The following BPGM variants were observed in gnomAD, a reference collection of about 807,000 sequenced individuals.
BPGM encodes the protein 2,3-bisphosphoglycerate mutase, erythrocyte.
Under a neutral mutation model 21.6 loss-of-function variants are expected in BPGM, and 15 were observed. That is an observed-to-expected ratio of 0.70 (90% CI 0.47 to 1.07). The LOEUF (loss-of-function observed/expected upper bound fraction) is 1.07. Among genes scored for constraint, BPGM ranks in the 50% least tolerant of loss-of-function variants. The pLI is 0.00. For synonymous variants in BPGM, 113 were observed against 116.2 expected (o/e 0.97, Z 0.18); for missense variants, 273 against 319.0 (o/e 0.86, Z 1.10).
chr7:134,671,928 G>A (rs1045420599), intron 2 of BPGM, among the ~76,000 whole-genome samples: 1 of 152,154 alleles, frequency 6.6e-6, no homozygotes, highest in Non-Finnish European at 1.5e-5. Context: ...TGGGAAAAGT[G>A]AGCATTTGCA....
chr7:134,661,667 C>G lies in BPGM; in HGVS notation c.160C>G (p.Leu54Val), dbSNP rs371168429. The G allele has an allele frequency of 1.9e-6, 3 of 1,614,036 alleles. No individual in the cohort carries two copies. Among genetic ancestry groups the G allele is most frequent in the Non-Finnish European group, 2.5e-6 (3 of 1,180,028 alleles). ...CAAAGCGTTAAACTTTGAGTTTGATCTTGTATTCACATCTGTCCTTAATCG... is the reference window on the plus strand; with the variant it reads ...CAAAGCGTTAAACTTTGAGTTTGATGTTGTATTCACATCTGTCCTTAATCG... ...QLKALNFEFD[L>V]VFTSVLNRSI... is the part of the protein sequence containing the mutation. Residue 54 changes from leucine to valine, a missense_variant, in exon 2 of 3, where the codon CTT becomes GTT. Coordinates refer to ENST00000344924, the MANE Select transcript of BPGM (RefSeq NM_001724.5). This position sits in a 1 kb window ranked among gnomAD's most constrained non-coding sequence, Gnocchi z 4.6.
chr7:134,676,393 T>C (rs529692261), intron 2 of BPGM, among the ~76,000 whole-genome samples: 1 of 152,392 alleles, frequency 6.6e-6, no homozygotes, highest in South Asian at 2.1e-4. Flanking sequence ...ACTTTTGTTA[T>C]CTTTTAACAA....
intron 1 of BPGM, among the ~76,000 whole-genome samples, chr7:134,655,380 A>T (rs1795620575): frequency 6.6e-6 from 1 of 152,074 alleles, no homozygotes; most frequent in Non-Finnish European, 1.5e-5. Context: ...TGGAAGGACA[A>T]GTTGGAACTG....
At chr7:134,646,975 A>C (rs1795470728) in intron 1 of BPGM, 38 bp downstream of exon 1, 1 of 164,198 alleles carries the variant, frequency 6.1e-6, no homozygotes, top group South Asian at 1.0e-4. Flanking sequence ...GCGAACGTTT[A>C]CATTTTTTAG....
intron 1 of BPGM, among the ~76,000 whole-genome samples, chr7:134,657,722 A>T (rs1795662262): frequency 1.3e-5 from 2 of 152,100 alleles, no homozygotes; most frequent in Non-Finnish European, 2.9e-5. Flanking sequence ...CTCAAAGCTG[A>T]GTGGGAGTTT....
intron 1 of BPGM, among the ~76,000 whole-genome samples, chr7:134,650,694 G>A (rs1351068376): frequency 1.1e-4 from 16 of 152,146 alleles, no homozygotes; most frequent in East Asian, 9.6e-4. Flanking sequence ...AGGCCGAGGC[G>A]GGCAGATCAC....
At chr7:134,647,895 T>G (rs1469768574) in intron 1 of BPGM, among the ~76,000 whole-genome samples, 1 of 152,144 alleles carries the variant, frequency 6.6e-6, no homozygotes, top group Non-Finnish European at 1.5e-5. Context: ...CCTACCGGGT[T>G]CAAGTGATTC....
chr7:134,670,646 T>G (rs1199035498), intron 2 of BPGM, among the ~76,000 whole-genome samples: 1 of 151,934 alleles, frequency 6.6e-6, no homozygotes, highest in Admixed American at 6.6e-5. Context: ...TTTATGAAAC[T>G]CTGAATCTCT....
intron 2 of BPGM, among the ~76,000 whole-genome samples, chr7:134,677,239 AGT>A (rs917137471): frequency 5.3e-5 from 8 of 151,988 alleles, no homozygotes; most frequent in African/African-American, 1.9e-4. Flanking sequence ...GCAAAGGAAG[AGT>A]GTGTGTTTCT....
At position 134,670,905 on chromosome 7, in the gene BPGM, C is replaced by A. The variant is rs537223969; in HGVS notation, c.602-7948C>A. ...AATCTTTCTGTCTCTCTGACCATCTCTTCTGGTTTTCTAAAATTCAAAGAT... is the reference window on the plus strand; with the variant it reads ...AATCTTTCTGTCTCTCTGACCATCTATTCTGGTTTTCTAAAATTCAAAGAT... On this transcript the variant is annotated intron_variant, in intron 2 of 2. Coordinates refer to ENST00000344924, the MANE Select transcript of BPGM (RefSeq NM_001724.5). Among the ~76,000 whole-genome samples the A allele has an allele frequency of 2.6e-5, 4 of 152,234 alleles. No homozygotes were observed. In the South Asian group the frequency reaches 8.3e-4, roughly 32 times the overall value.
chr7:134,670,977 T>C (rs1795894343), intron 2 of BPGM, among the ~76,000 whole-genome samples: 1 of 152,228 alleles, frequency 6.6e-6, no homozygotes, highest in African/African-American at 2.4e-5. Context: ...GCCATTTAAT[T>C]TGAATTGTTT....
intron 1 of BPGM, among the ~76,000 whole-genome samples, chr7:134,658,898 T>TTTTTTTTTTTTTTTTG: frequency 6.6e-6 from 1 of 151,578 alleles, no homozygotes; most frequent in African/African-American, 2.4e-5. Flanking sequence ...GTGTATTTTT[T>TTTTTTTTTTTTTTTTG]TTTTAGTAAA....
At chr7:134,660,297 G>A (rs1795709362) in intron 1 of BPGM, 1 of 152,486 alleles carries the variant, frequency 6.6e-6, no homozygotes, top group South Asian at 2.1e-4. Flanking sequence ...AAGTTGCCAA[G>A]AGTGGCAGAA....
At chr7:134,677,238 G>C (rs1385039096) in intron 2 of BPGM, among the ~76,000 whole-genome samples, 2 of 152,068 alleles carry the variant, frequency 1.3e-5, no homozygotes, top group Non-Finnish European at 2.9e-5. Flanking sequence ...GGCAAAGGAA[G>C]AGTGTGTGTT....
chr7:134,665,671 A>AAAAAAAAAAAG (rs2131441836), intron 2 of BPGM, among the ~76,000 whole-genome samples: 1 of 149,750 alleles, frequency 6.7e-6, no homozygotes, highest in Non-Finnish European at 1.5e-5. Flanking sequence ...AAAAAAAAAA[A>AAAAAAAAAAAG]AAGTGCAGCT....
intron 1 of BPGM, among the ~76,000 whole-genome samples, chr7:134,649,197 C>T (rs540239489): frequency 4.0e-5 from 6 of 151,756 alleles, no homozygotes; most frequent in African/African-American, 9.7e-5. Flanking sequence ...CTATAGTCAC[C>T]CTGTTGTGCT....
intron 1 of BPGM, among the ~76,000 whole-genome samples, chr7:134,659,817 A>G (rs1195297070): frequency 6.6e-6 from 1 of 152,188 alleles, no homozygotes; most frequent in Non-Finnish European, 1.5e-5. Context: ...GCCCTGTAAG[A>G]TGGTAATGGA....
intron 1 of BPGM, among the ~76,000 whole-genome samples, chr7:134,654,425 A>C (rs1795605766): frequency 6.6e-6 from 1 of 152,168 alleles, no homozygotes; most frequent in African/African-American, 2.4e-5. Context: ...CTCGAGACTA[A>C]ATTCCAGCTC....
intron 2 of BPGM, among the ~76,000 whole-genome samples, chr7:134,669,102 T>C (rs529919356): frequency 1.3e-5 from 2 of 152,340 alleles, no homozygotes; most frequent in East Asian, 1.9e-4. Flanking sequence ...ATTGCCTTAA[T>C]TGGGACCTTA....
Sources: gnomAD v4.1 joint callset for allele counts (sites outside exome capture counted in the v4.1 genomes callset) on GRCh38, gnomAD v4.1.1 for gene constraint, Gnocchi (gnomAD v3.1) non-coding constraint, MANE v1.5 for transcripts, NCBI Gene and HGNC (gene_info 2026-07-23, HGNC 2026-07-21) for gene names.